The following CMIP variants were observed in gnomAD, a reference collection of about 807,000 sequenced individuals.
CMIP encodes c-Maf inducing protein.
In CMIP, 13 loss-of-function variants were observed where a neutral mutation model predicts 97.3. The ratio of observed to expected loss-of-function variants is 0.13; its 90% confidence interval spans 0.09 to 0.21. The LOEUF is 0.21. Ranked by LOEUF, CMIP falls within the 10% of genes least tolerant of loss-of-function variation. The pLI is 1.00. For synonymous variants in CMIP, 538 were observed against 436.3 expected, an observed-to-expected ratio of 1.23 and a Z score of -2.91; for missense variants, 847 against 1,024.9, an observed-to-expected ratio of 0.83 and a Z score of 2.37.
At chr16:81,644,637 A>C (rs2092343187) in intron 3 of CMIP, among the ~76,000 whole-genome samples, 1 of 152,248 alleles carries the variant, frequency 6.6e-6, no homozygotes. Flanking sequence ...TCCTCCCGGA[A>C]GCCATGGCTT....
At chr16:81,474,859 G>C (rs369445209) in intron 1 of CMIP, among the ~76,000 whole-genome samples, 132 of 152,372 alleles carry the variant, frequency 8.7e-4, no homozygotes, top group African/African-American at 3.0e-3. Context: ...CCAGCCATGG[G>C]GGGCGGGCGG....
At chr16:81,640,526 G>A (rs962895481) in intron 3 of CMIP, among the ~76,000 whole-genome samples, 11 of 152,124 alleles carry the variant, frequency 7.2e-5, no homozygotes, top group Admixed American at 2.0e-4. Context: ...ACAAATTTCC[G>A]TAAACTGTGT....
intron 1 of CMIP, among the ~76,000 whole-genome samples, chr16:81,461,110 G>A (rs1030210821): frequency 7.2e-5 from 11 of 152,200 alleles, no homozygotes; most frequent in Admixed American, 2.0e-4. Context: ...AAAACCCATT[G>A]TTCTGCAGCT....
At position 81,574,268 on chromosome 16, in the gene CMIP, G is replaced by T. The variant is rs114778306; in HGVS notation, c.301-33299G>T. 8.0e-3 allele frequency among the ~76,000 whole-genome samples: 1,219 copies of T among 152,190 alleles called. 19 individuals carry two copies. Among genetic ancestry groups the T allele is most frequent in the African/African-American group, 0.028 (1,170 of 41,502 alleles). ...CAGGCTGTGAATCTGATAACCCCAC[G>T]GCCCCCTCCTCCAACTGCTTGGCCA... is the stretch of plus-strand genomic sequence containing the variant. On this transcript the variant is annotated intron_variant, in intron 1 of 20. Transcript: ENST00000537098.
chr16:81,572,374 G>A (rs974945757), intron 1 of CMIP, among the ~76,000 whole-genome samples: 12 of 152,244 alleles, frequency 7.9e-5, no homozygotes, highest in African/African-American at 2.9e-4. Context: ...CCACCTTGCA[G>A]ATGTGCTGGG....
At chr16:81,468,819 T>C (rs927343363) in intron 1 of CMIP, among the ~76,000 whole-genome samples, 9 of 152,124 alleles carry the variant, frequency 5.9e-5, no homozygotes, top group Non-Finnish European at 1.0e-4. Context: ...GAACACAGCA[T>C]TGGGAAAGTC....
chr16:81,606,641 C>T (rs936149947), intron 1 of CMIP, among the ~76,000 whole-genome samples: 2 of 152,206 alleles, frequency 1.3e-5, no homozygotes, highest in African/African-American at 2.4e-5. Context: ...GAGCCAGGCA[C>T]TGGGGAAAGA....
intron 1 of CMIP, among the ~76,000 whole-genome samples, chr16:81,548,564 C>T (rs913776046): frequency 1.3e-5 from 2 of 151,814 alleles, no homozygotes; most frequent in African/African-American, 2.4e-5. Context: ...CTCCAGGCCA[C>T]GTGTGGTGGC....
intron 19 of CMIP, among the ~76,000 whole-genome samples, chr16:81,706,586 G>T (rs1030309304): frequency 6.6e-6 from 1 of 152,224 alleles, no homozygotes; most frequent in Non-Finnish European, 1.5e-5. Flanking sequence ...TCTGCCCCCC[G>T]TGCGACTCCA....
chr16:81,636,620 T>C (rs1296889003), intron 3 of CMIP, among the ~76,000 whole-genome samples: 1 of 151,348 alleles, frequency 6.6e-6, no homozygotes, highest in Admixed American at 6.6e-5. Flanking sequence ...TTCTGACTAA[T>C]TTAAGAATCC....
At chr16:81,523,095 T>G (rs559486377) in intron 1 of CMIP, among the ~76,000 whole-genome samples, 48 of 152,170 alleles carry the variant, frequency 3.2e-4, no homozygotes, top group African/African-American at 1.1e-3. Context: ...TCTGGCTAAT[T>G]TTTTGGTAGA....
intron 15 of CMIP, 48 bp downstream of exon 15, chr16:81,699,849 C>T (rs1459166681): frequency 3.9e-6 from 5 of 1,297,068 alleles, no homozygotes; most frequent in Non-Finnish European, 5.5e-6. Flanking sequence ...CTCCCCGTCC[C>T]TTGTCCGTGC....
chr16:81,703,548 C>T (rs994084268), intron 17 of CMIP, among the ~76,000 whole-genome samples: 1 of 151,996 alleles, frequency 6.6e-6, no homozygotes, highest in Non-Finnish European at 1.5e-5. Context: ...CATGTACAGA[C>T]ACATGCATAC....
intron 1 of CMIP, among the ~76,000 whole-genome samples, chr16:81,512,840 A>C (rs540899359): frequency 0.047 from 7,220 of 152,130 alleles, 196 homozygotes; most frequent in Non-Finnish European, 0.065. Context: ...GGGTTCAAGC[A>C]ATTCTCCTGC....
chr16:81,598,668 G>A (rs989249046), intron 1 of CMIP, among the ~76,000 whole-genome samples: 2 of 152,176 alleles, frequency 1.3e-5, no homozygotes, highest in South Asian at 4.1e-4. Flanking sequence ...GGCCACAACA[G>A]AAGAGCAGTA....
intron 1 of CMIP, among the ~76,000 whole-genome samples, chr16:81,554,905 A>C (rs75312347): frequency 2.7e-3 from 414 of 152,338 alleles, no homozygotes; most frequent in African/African-American, 9.6e-3. Context: ...ATCTTCAGCA[A>C]ATTGAAGCCC....
chr16:81,626,238 T>TGA (rs2092060232), intron 3 of CMIP, among the ~76,000 whole-genome samples: 3 of 94,786 alleles, frequency 3.2e-5, no homozygotes, highest in African/African-American at 6.8e-5. Context: ...TGTGTAAGAG[T>TGA]GAATGTGTGA....
At chr16:81,557,729 C>G (rs1460831910) in intron 1 of CMIP, among the ~76,000 whole-genome samples, 4 of 152,136 alleles carry the variant, frequency 2.6e-5, no homozygotes, top group Non-Finnish European at 4.4e-5. Context: ...TGTTGCTACT[C>G]CACTCCAGCC....
At chr16:81,609,474 C>G (rs1479440248) in intron 2 of CMIP, among the ~76,000 whole-genome samples, 1 of 152,252 alleles carries the variant, frequency 6.6e-6, no homozygotes, top group South Asian at 2.1e-4. Context: ...GCTGTAGTCA[C>G]AGAGCTTTGA....
Sources: allele counts gnomAD v4.1 joint callset (sites outside exome capture counted in the v4.1 genomes callset), GRCh38; gene constraint gnomAD v4.1.1; transcripts MANE v1.5; gene names NCBI Gene and HGNC (gene_info 2026-07-23, HGNC 2026-07-21).